Variants in SLC6A8 observed in about 807,000 individuals in gnomAD.
SLC6A8 encodes sodium- and chloride-dependent creatine transporter 1.
SLC6A8 carries 6 observed loss-of-function variants against 48.3 expected under a neutral mutation model. The observed-to-expected ratio is 0.12, with a 90% CI of 0.07 to 0.25. The LOEUF is 0.25. SLC6A8 is among the 10% of genes least tolerant of loss of function. The pLI is 1.00. For missense variants in SLC6A8, 260 were observed against 551.5 expected, an observed-to-expected ratio of 0.47 and a Z score of 5.29; for synonymous variants, 245 against 244.0, an observed-to-expected ratio of 1.00 and a Z score of -0.04.
chrX:153,692,489 AAAG>A (rs1275943240), intron 4 of SLC6A8: 3 of 341,822 alleles, frequency 8.8e-6, no homozygotes, highest in African/African-American at 7.8e-5. Flanking sequence ...TCACCTGAAC[AAAG>A]AAGACAGTGT....
At chrX:153,693,851 G>A in intron 7 of SLC6A8, 54 bp from the exon 8 acceptor site, 5 of 981,895 alleles carry the variant, frequency 5.1e-6, no homozygotes, top group Middle Eastern at 3.7e-4. Flanking sequence ...GGCTCAGGGT[G>A]CGCACAGGGC....
rs1453689278 is a variant in SLC6A8 at position 153,694,542 on chromosome X, G to A, written c.1505G>A (p.Arg502His). The A allele has an allele frequency of 1.7e-5, 21 of 1,207,358 alleles. No homozygotes were observed. In the East Asian group the frequency reaches 3.3e-4, roughly 19 times the overall value. Residue 502 changes from arginine (R) to histidine (H), a missense_variant, in exon 11 of 13, where the codon CGC becomes CAC. By Grantham distance (29) the Arg-to-His change is conservative. Coordinates refer to ENST00000253122, the MANE Select transcript of SLC6A8 (RefSeq NM_005629.4). Reference sequence around the variant, plus strand: ...CCTCACCTCGCCGCAGGAGCTGACCGCTTCATGGACGACATTGCCTGTATG... The same window carrying A: ...CCTCACCTCGCCGCAGGAGCTGACCACTTCATGGACGACATTGCCTGTATG... ...VVVAWVYGAD[R>H]FMDDIACMIG...
At position 153,688,634 on chromosome X, in the gene SLC6A8, C is replaced by G; in HGVS notation, c.60C>G (p.Gly20=). 1 of 1,079,264 alleles carries G rather than the reference C, an allele frequency of 9.3e-7. No homozygotes were observed. The highest frequency in any genetic ancestry group is 1.2e-6 in the Non-Finnish European group (1 of 825,809). 88.9% of individuals were successfully genotyped at this position (1,079,264 alleles called of 1,213,427 possible). The part of the protein sequence containing the change: ...IYSVSGDEKK[G]PLIAPGPDGA... ...GCGTGTCCGGCGACGAGAAGAAGGG[C>G]CCCCTCATCGCGCCCGGGCCCGACG... Residue 20 remains glycine (G), a synonymous_variant, in exon 1 of 13, where the codon GGC becomes GGG. Coordinates refer to ENST00000253122, the MANE Select transcript of SLC6A8 (RefSeq NM_005629.4).
Position 153,696,219 on chromosome X carries a change from T to G in SLC6A8, c.*1005T>G, listed in dbSNP as rs1218916063. 4 of 268,161 alleles carry G rather than the reference T, an allele frequency of 1.5e-5. No homozygotes were observed. Among genetic ancestry groups the G allele is most frequent in the African/African-American group, 1.1e-4 (4 of 36,063 alleles). The allele number at this position is 268,161 out of a possible 1,213,427, so 22.1% of individuals were successfully genotyped here. A position where few individuals can be genotyped will look rare whatever the true frequency, so the allele number is the denominator to read the frequency against. On this transcript the variant is annotated 3_prime_UTR_variant, in exon 13 of 13. Coordinates refer to ENST00000253122, the MANE Select transcript of SLC6A8 (RefSeq NM_005629.4). ...CGGGGCTGTCCCCACGCTGTCCCTT[T>G]GCCACAAGTCTGTGGGGCAAGAGGC... is the stretch of plus-strand genomic sequence containing the variant.
In SLC6A8 at chrX:153,695,628, G is replaced by T. The variant is rs2091486563; in HGVS notation, c.*414G>T. ...GGGAAATGTGAGGAAGGGAAGGAGG[G>T]AGAGACGGGAGGGAGGAGAGAGAGG... On this transcript the variant is annotated 3_prime_UTR_variant, in exon 13 of 13. Transcript: ENST00000253122. The T allele has an allele frequency of 5.1e-6, 1 of 196,103 alleles. No individual in the cohort carries two copies. Among genetic ancestry groups the T allele is most frequent in the Non-Finnish European group, 9.3e-6 (1 of 107,189 alleles). 16.2% of individuals were successfully genotyped at this position (196,103 alleles called of 1,213,427 possible).
chrX:153,694,784 G>C lies in SLC6A8; in HGVS notation c.1662G>C (p.Pro554=). 8.3e-7 allele frequency: 1 copy of C among 1,209,568 alleles called. No homozygotes were observed. The highest frequency in any genetic ancestry group is 1.1e-6 in the Non-Finnish European group (1 of 893,990). Residue 554 remains proline (P), a synonymous_variant, in exon 12 of 13, where the codon CCG becomes CCC. Transcript: ENST00000253122. ...PLVYNNTYVY[P]WWGEAMGWAF... ...TCTACAACAACACCTACGTGTACCC[G>C]TGGTGGGGTGAGGCCATGGGCTGGG...
chrX:153,694,693 A>G (rs1557045629), intron 11 of SLC6A8, 26 bp from the exon 12 acceptor site: 1 of 1,209,644 alleles, frequency 8.3e-7, no homozygotes, highest in Non-Finnish European at 1.1e-6. Context: ...TAGGGGCCCC[A>G]TTAACCGCAG....
rs782317227 is a variant in SLC6A8, at chrX:153,694,860, C to A, written c.1738C>A (p.Leu580Ile). ...CGTGCCGCTGCACCTCCTGGGCTGC[C>A]TCCTCAGGGCCAAGGGCACCATGGC... ...LCVPLHLLGCLLRAKGTMAER... is the reference protein window; with the variant it reads ...LCVPLHLLGCILRAKGTMAER... Residue 580 changes from leucine (L) to isoleucine (I), a missense_variant, in exon 12 of 13, where the codon CTC becomes ATC. By Grantham distance (5) the Leu-to-Ile change is conservative (BLOSUM62 2). Coordinates refer to ENST00000253122, the MANE Select transcript of SLC6A8 (RefSeq NM_005629.4). 8.3e-7 allele frequency: 1 copy of A among 1,201,743 alleles called. No individual in the cohort carries two copies. The highest frequency in any genetic ancestry group is 1.1e-6 in the Non-Finnish European group (1 of 890,847).
chrX:153,691,097 G>A (rs1557044379), intron 2 of SLC6A8: 1 of 450,221 alleles, frequency 2.2e-6, no homozygotes, highest in African/African-American at 2.4e-5. Context: ...GGGTCTAGGG[G>A]GCGGCTGGAG....
intron 3 of SLC6A8, 139 bp from the exon 4 acceptor site, chrX:153,691,834 CCA>C: frequency 1.4e-6 from 1 of 716,237 alleles, no homozygotes; most frequent in Non-Finnish European, 2.1e-6. Context: ...ATCGTGGGCT[CCA>C]GGCCCAGCCC....
rs1298622693 is a variant in SLC6A8, at chrX:153,696,582, T to C, written c.*1368T>C. The C allele has an allele frequency of 1.4e-5, 4 of 294,931 alleles. No individual in the cohort carries two copies. The highest frequency in any genetic ancestry group is 2.6e-5 in the Non-Finnish European group (4 of 151,242). 24.3% of individuals were successfully genotyped at this position (294,931 alleles called of 1,213,427 possible). The stretch of plus-strand genomic sequence containing the variant: ...GACATAGCAATAAAAACATGTCATT[T>C]TCCAAAGCAGGCTCCTGCTTCCGCC... On this transcript the variant is annotated 3_prime_UTR_variant, in exon 13 of 13. Transcript: ENST00000253122.
intron 7 of SLC6A8, 50 bp from the exon 8 acceptor site, chrX:153,693,855 A>G (rs1557045227): frequency 1.0e-6 from 1 of 1,002,766 alleles, no homozygotes. Context: ...CAGGGTGCGC[A>G]CAGGGCAGGA....
chrX:153,691,313 A>G lies in SLC6A8; in HGVS notation c.404A>G (p.Tyr135Cys). The part of the protein sequence containing the change: ...NICPLFKGLG[Y>C]ASMVIVFYCN... ...GACTTCCCGGCCCCAGGCCTGGGCT[A>G]CGCCTCCATGGTGATCGTCTTCTAC... The change falls in exon 3 of 13, where the codon TAC becomes TGC. Residue 135 changes from tyrosine (Y) to cysteine (C), a missense_variant. Transcript: ENST00000253122. 8.3e-7 allele frequency: 1 copy of G among 1,201,351 alleles called. No homozygotes were observed. Among genetic ancestry groups the G allele is most frequent in the Non-Finnish European group, 1.1e-6 (1 of 890,494 alleles).
In SLC6A8 at chrX:153,696,295, T is replaced by C. The variant is rs1279421597; in HGVS notation, c.*1081T>C. ...GGCTGCTAACCTGGCCTGCTCAGGCTTCCCACCCTGTGCGGGGCACACCCC... is the reference window on the plus strand; with the variant it reads ...GGCTGCTAACCTGGCCTGCTCAGGCCTCCCACCCTGTGCGGGGCACACCCC... On this transcript the variant is annotated 3_prime_UTR_variant, in exon 13 of 13. Coordinates refer to ENST00000253122, the MANE Select transcript of SLC6A8 (RefSeq NM_005629.4). 1 of 321,335 alleles carries C rather than the reference T, an allele frequency of 3.1e-6. No individual in the cohort carries two copies. The highest frequency in any genetic ancestry group is 6.1e-6 in the Non-Finnish European group (1 of 163,911). 26.5% of individuals were successfully genotyped at this position (321,335 alleles called of 1,213,427 possible). A position where few individuals can be genotyped will look rare whatever the true frequency, so the allele number is the denominator to read the frequency against.
chrX:153,688,939 C>A, intron 1 of SLC6A8, 103 bp downstream of exon 1: 2 of 379,885 alleles, frequency 5.3e-6, no homozygotes, highest in South Asian at 1.3e-4. Context: ...CAACGGGTGG[C>A]CCCCGGGCAC....
chrX:153,692,458 G>A (rs1557044685), intron 4 of SLC6A8: 1 of 351,523 alleles, frequency 2.8e-6, no homozygotes, highest in Non-Finnish European at 5.4e-6. Context: ...TCCCTTGGGG[G>A]CTCCTGGTCA....
intron 7 of SLC6A8, 21 bp downstream of exon 7, chrX:153,693,607 C>G: frequency 8.3e-7 from 1 of 1,205,452 alleles, no homozygotes; most frequent in Non-Finnish European, 1.1e-6. Context: ...ACCCCCAGCC[C>G]CGCCTCCAGA....
chrX:153,695,319 G>A lies in SLC6A8; in HGVS notation c.*105G>A, dbSNP rs1400608619. On this transcript the variant is annotated 3_prime_UTR_variant, in exon 13 of 13. Transcript: ENST00000253122. ...CCTGCCTTTCCCTGACACTTTTGGG[G>A]TCTGCCTGGGGGAGGAGGGGAGAAA... 1.1e-6 allele frequency: 1 copy of A among 877,222 alleles called. No homozygotes were observed. Among genetic ancestry groups the A allele is most frequent in the South Asian group, 2.1e-5 (1 of 46,530 alleles). 72.3% of individuals were successfully genotyped at this position (877,222 alleles called of 1,213,427 possible). A position where few individuals can be genotyped will look rare whatever the true frequency, so the allele number is the denominator to read the frequency against.
Position 153,691,997 on chromosome X carries a change from G to A in SLC6A8, c.667G>A (p.Gly223Arg). The change falls in exon 4 of 13, where the codon GGG becomes AGG. Residue 223 changes from glycine to arginine, a missense_variant. Physicochemically the swap from Gly to Arg is moderately radical, Grantham distance 125 (BLOSUM62 -2). Transcript: ENST00000253122. ...TAGGAACAAAGTCTTGAGGCTGTCT[G>A]GGGGACTGGAGGTGCCAGGGGCCCT... ...FWENKVLRLSGGLEVPGALNW... is the reference protein window; with the variant it reads ...FWENKVLRLSRGLEVPGALNW... 1 of 1,193,813 alleles carries A rather than the reference G, an allele frequency of 8.4e-7. No homozygotes were observed. The highest frequency in any genetic ancestry group is 1.1e-6 in the Non-Finnish European group (1 of 881,324).
Sources: gnomAD v4.1 joint callset for allele counts on GRCh38, gnomAD v4.1.1 for gene constraint, MANE v1.5 for transcripts, NCBI Gene and HGNC (gene_info 2026-07-23, HGNC 2026-07-21) for gene names.